Variants in RBFOX1 observed in about 807,000 individuals in gnomAD.
RBFOX1 encodes the protein RNA binding fox-1 homolog 1.
A neutral mutation model predicts 57.7 loss-of-function variants in RBFOX1; 8 were observed. The ratio of observed to expected loss-of-function variants is 0.14; its 90% CI spans 0.08 to 0.25. RBFOX1 has a LOEUF of 0.25. RBFOX1 is among the 10% of genes least tolerant of loss of function. The probability of loss-of-function intolerance (pLI) is 1.00; values close to 1 mark genes in which losing one functional copy is unlikely to be tolerated. For synonymous variants in RBFOX1, 326 were observed against 222.4 expected (o/e 1.47, Z -4.15); for missense variants, 611 against 548.5 (o/e 1.11, Z -1.14).
intron 4 of RBFOX1, among the ~76,000 whole-genome samples, chr16:7,511,731 C>A (rs1467760741): frequency 6.6e-6 from 1 of 152,004 alleles, no homozygotes; most frequent in Non-Finnish European, 1.5e-5. Context: ...TGACAGGTTT[C>A]CATCATCCTG....
intron 1 of RBFOX1, among the ~76,000 whole-genome samples, chr16:6,066,230 G>C (rs932349420): frequency 7.2e-6 from 1 of 139,010 alleles, no homozygotes; most frequent in Admixed American, 7.8e-5. Flanking sequence ...GGGGGTTGGA[G>C]GTTGCAGTGA....
At chr16:5,493,000 C>G (rs540679845) in intron 2 of RBFOX1, among the ~76,000 whole-genome samples, 15 of 152,348 alleles carry the variant, frequency 9.8e-5, no homozygotes, top group African/African-American at 3.4e-4. Context: ...GGTCCACTGC[C>G]TATCTTCCTA....
chr16:5,789,643 G>C (rs1483477314), intron 3 of RBFOX1, among the ~76,000 whole-genome samples: 1 of 152,088 alleles, frequency 6.6e-6, no homozygotes, highest in Non-Finnish European at 1.5e-5. Flanking sequence ...GTCGTATCTT[G>C]TTCATGACTC....
rs145381121 is a variant in RBFOX1 at position 6,827,391 on chromosome 16, C to A, written c.-16+172741C>A. Among the ~76,000 whole-genome samples the A allele has an allele frequency of 4.6e-5, 7 of 152,212 alleles. No individual in the cohort carries two copies. The South Asian group carries it at 1.5e-3, about 32-fold the overall frequency. Reference sequence around the variant, plus strand: ...TGTGCCTTATCTGACCCAGCATTATCGCTGGAGGGGAAGTGCTTATAGGGA... The same window carrying A: ...TGTGCCTTATCTGACCCAGCATTATAGCTGGAGGGGAAGTGCTTATAGGGA... On this transcript the variant is annotated intron_variant, in intron 3 of 15. Coordinates refer to ENST00000550418, the MANE Select transcript of RBFOX1 (RefSeq NM_018723.4).
rs138725264 is a variant in RBFOX1 at position 7,211,476 on chromosome 16, A to C, written c.27+159378A>C. Among the ~76,000 whole-genome samples the C allele has an allele frequency of 4.1e-3, 625 of 152,120 alleles. 6 individuals carry two copies. Among genetic ancestry groups the C allele is most frequent in the South Asian group, 0.032 (155 of 4,820 alleles). ...GGCTGGTAGCTGTCATAGGGATAGA[A>C]ATTCTAGGCTCTAGGACTCTATCAC... On this transcript the variant is annotated intron_variant, in intron 4 of 15. Coordinates refer to ENST00000550418, the MANE Select transcript of RBFOX1 (RefSeq NM_018723.4).
intron 4 of RBFOX1, among the ~76,000 whole-genome samples, chr16:7,283,271 C>T (rs779741341): frequency 1.4e-4 from 22 of 151,838 alleles, no homozygotes; most frequent in Non-Finnish European, 1.6e-4. Context: ...CTTGGTCCAG[C>T]TTTCAGTTTT....
At chr16:6,044,869 G>A (rs1436591143) in intron 1 of RBFOX1, among the ~76,000 whole-genome samples, 2 of 152,188 alleles carry the variant, frequency 1.3e-5, no homozygotes, top group Non-Finnish European at 2.9e-5. Flanking sequence ...TGTACTGTTC[G>A]CTGTTTTACC....
At chr16:5,242,170 C>G (rs1363761144) in intron 1 of RBFOX1, among the ~76,000 whole-genome samples, 1 of 152,074 alleles carries the variant, frequency 6.6e-6, no homozygotes, top group Non-Finnish European at 1.5e-5. Context: ...AAGCCAGAAT[C>G]TCCATTAAAA....
chr16:7,466,840 A>T lies in RBFOX1; in HGVS notation c.28-51307A>T, dbSNP rs115625051. On this transcript the variant is annotated intron_variant, in intron 4 of 15. Transcript: ENST00000550418. The stretch of plus-strand genomic sequence containing the variant: ...GTTGGGGACACCATACTTCCAAAGG[A>T]ATAAGGACAAATTAGAGCAGGAAGA... 2.8e-3 allele frequency among the ~76,000 whole-genome samples: 424 copies of T among 152,286 alleles called. 1 individual carries two copies. The highest frequency in any genetic ancestry group is 9.9e-3 in the African/African-American group (412 of 41,558).
At chr16:6,515,280 A>G (rs1598647109) in intron 2 of RBFOX1, among the ~76,000 whole-genome samples, 1 of 152,138 alleles carries the variant, frequency 6.6e-6, no homozygotes, top group East Asian at 1.9e-4. Flanking sequence ...TCCTCTCCTG[A>G]CCCATCCATT....
intron 1 of RBFOX1, among the ~76,000 whole-genome samples, chr16:5,455,824 G>C (rs922148761): frequency 6.6e-6 from 1 of 152,086 alleles, no homozygotes; most frequent in African/African-American, 2.4e-5. Flanking sequence ...CCCTGGTTTC[G>C]AGAAATAAAT....
At chr16:6,068,518 G>A (rs541684501) in intron 1 of RBFOX1, among the ~76,000 whole-genome samples, 1 of 152,148 alleles carries the variant, frequency 6.6e-6, no homozygotes, top group South Asian at 2.1e-4. Flanking sequence ...GTTTTATTGG[G>A]GTTGTGAAGA....
intron 3 of RBFOX1, among the ~76,000 whole-genome samples, chr16:5,643,103 T>G (rs2048934919): frequency 1.3e-5 from 2 of 152,116 alleles, no homozygotes; most frequent in South Asian, 4.1e-4. Flanking sequence ...TGTTAACCTC[T>G]AAAAGCCTCA....
chr16:6,289,570 G>C (rs542573388), intron 1 of RBFOX1, among the ~76,000 whole-genome samples: 76 of 152,210 alleles, frequency 5.0e-4, no homozygotes, highest in African/African-American at 1.7e-3. Flanking sequence ...GTTCTCTTAT[G>C]CCCTTTTAAT....
chr16:7,097,645 A>G (rs1035809061), intron 4 of RBFOX1, among the ~76,000 whole-genome samples: 2 of 152,112 alleles, frequency 1.3e-5, no homozygotes, highest in African/African-American at 4.8e-5. Context: ...TATGTACTAA[A>G]CCCAGGGCCT....
chr16:6,156,449 C>T (rs2096839063), intron 1 of RBFOX1, among the ~76,000 whole-genome samples: 1 of 152,138 alleles, frequency 6.6e-6, no homozygotes, highest in Non-Finnish European at 1.5e-5. Context: ...ATGAACATGC[C>T]CATGTATGTG....
chr16:6,663,590 A>C (rs562446763), intron 3 of RBFOX1, among the ~76,000 whole-genome samples: 24 of 152,332 alleles, frequency 1.6e-4, no homozygotes, highest in Admixed American at 1.5e-3. Context: ...GAAGATACTT[A>C]AGGCACATAA....
intron 4 of RBFOX1, among the ~76,000 whole-genome samples, chr16:7,459,385 G>A (rs2059137476): frequency 6.6e-6 from 1 of 152,102 alleles, no homozygotes; most frequent in Admixed American, 6.5e-5. Context: ...AAGTATGTTT[G>A]GTTCCGTGCC....
intron 1 of RBFOX1, among the ~76,000 whole-genome samples, chr16:6,145,667 G>A (rs893779107): frequency 6.6e-6 from 1 of 152,084 alleles, no homozygotes; most frequent in African/African-American, 2.4e-5. Context: ...CCTGAAAGAG[G>A]GAGTCTCTTG....
Sources: gnomAD v4.1 joint callset for allele counts (sites outside exome capture counted in the v4.1 genomes callset) on GRCh38, gnomAD v4.1.1 for gene constraint, MANE v1.5 for transcripts, NCBI Gene and HGNC (gene_info 2026-07-23, HGNC 2026-07-21) for gene names.